PDE5A: variants seen among roughly 807,000 people sequenced by gnomAD.
PDE5A encodes the protein phosphodiesterase 5A.
Under a neutral mutation model 110.2 loss-of-function variants are expected in PDE5A, and 67 were observed. The ratio of observed to expected loss-of-function variants is 0.61; its 90% confidence interval spans 0.50 to 0.75. The LOEUF (loss-of-function observed/expected upper bound fraction) is 0.75. Among genes scored for constraint, PDE5A ranks in the 30% least tolerant of loss-of-function variants. The pLI is 0.00. For synonymous variants in PDE5A, 328 were observed against 351.2 expected, an observed-to-expected ratio of 0.93 and a Z score of 0.74; for missense variants, 862 against 1,045.1, an observed-to-expected ratio of 0.82 and a Z score of 2.42.
At chr4:119,610,920 A>G (rs1729718807) in intron 1 of PDE5A, among the ~76,000 whole-genome samples, 1 of 152,124 alleles carries the variant, frequency 6.6e-6, no homozygotes, top group Non-Finnish European at 1.5e-5. Context: ...CACAGCAGCC[A>G]CAGTAAATTT....
chr4:119,600,331 T>C (rs928164401), intron 2 of PDE5A, among the ~76,000 whole-genome samples: 2 of 152,142 alleles, frequency 1.3e-5, no homozygotes, highest in Non-Finnish European at 2.9e-5. Flanking sequence ...GTTTTTATTA[T>C]AATAAGTAGA....
rs549592014 is a variant in PDE5A, at chr4:119,600,197, T to C, written c.742-3585A>G. On this transcript the variant is annotated intron_variant, in intron 2 of 20. Transcript: ENST00000354960. Reference sequence around the variant, plus strand: ...TTGAGCACATGAGTATATATATATATAAAAAGAGTAAGGAAGCCTAGTCTT... The same window carrying C: ...TTGAGCACATGAGTATATATATATACAAAAAGAGTAAGGAAGCCTAGTCTT... 1.2e-4 allele frequency among the ~76,000 whole-genome samples: 18 copies of C among 151,546 alleles called. No individual in the cohort carries two copies. In the East Asian group the frequency reaches 3.1e-3, roughly 26 times the overall value.
At chr4:119,529,330 T>G (rs1317750144) in intron 11 of PDE5A, among the ~76,000 whole-genome samples, 1 of 152,138 alleles carries the variant, frequency 6.6e-6, no homozygotes, top group Non-Finnish European at 1.5e-5. Flanking sequence ...CACTAGTCCT[T>G]GTGATAGCAA....
chr4:119,602,391 T>A (rs1379800559), intron 2 of PDE5A, among the ~76,000 whole-genome samples: 1 of 152,204 alleles, frequency 6.6e-6, no homozygotes, highest in East Asian at 1.9e-4. Context: ...GTCTTGCAAT[T>A]TTTCTGTGAG....
chr4:119,612,570 T>A (rs574235238), intron 1 of PDE5A, among the ~76,000 whole-genome samples: 2 of 152,302 alleles, frequency 1.3e-5, no homozygotes, highest in African/African-American at 4.8e-5. Flanking sequence ...CAATTAAACC[T>A]CTTTTCTTTA....
intron 5 of PDE5A, 114 bp from the exon 6 acceptor site, chr4:119,563,084 T>A: frequency 2.6e-6 from 2 of 759,538 alleles, no homozygotes; most frequent in Non-Finnish European, 4.0e-6. Context: ...TGATCAAGTC[T>A]GCATTCAAAT....
At chr4:119,612,750 G>A (rs748119350) in intron 1 of PDE5A, among the ~76,000 whole-genome samples, 2 of 152,180 alleles carry the variant, frequency 1.3e-5, no homozygotes, top group Non-Finnish European at 2.9e-5. Flanking sequence ...CTGGTGCCTT[G>A]ATCTTGGACT....
At chr4:119,533,816 T>A (rs1726630790) in intron 11 of PDE5A, among the ~76,000 whole-genome samples, 1 of 152,148 alleles carries the variant, frequency 6.6e-6, no homozygotes, top group African/African-American at 2.4e-5. Context: ...TAAGAAAACT[T>A]TTAGAGTAAA....
intron 2 of PDE5A, among the ~76,000 whole-genome samples, chr4:119,601,479 A>G (rs909849758): frequency 1.3e-5 from 2 of 150,240 alleles, no homozygotes; most frequent in African/African-American, 4.9e-5. Context: ...TGTCTTATGC[A>G]TCTCTTCCAT....
intron 13 of PDE5A, 87 bp downstream of exon 13, chr4:119,520,848 C>A (rs781341222): frequency 1.3e-5 from 14 of 1,117,686 alleles, no homozygotes; most frequent in East Asian, 2.5e-5. Flanking sequence ...TCATTGTGCA[C>A]CTTAAAGTGA....
chr4:119,525,481 A>G lies in PDE5A; in HGVS notation c.1779+68T>C. 1 of 1,437,080 alleles carries G rather than the reference A, an allele frequency of 7.0e-7. No individual in the cohort carries two copies. Among genetic ancestry groups the G allele is most frequent in the Non-Finnish European group, 9.4e-7 (1 of 1,059,224 alleles). 89.0% of individuals were successfully genotyped at this position (1,437,080 alleles called of 1,614,324 possible). On this transcript the variant is annotated intron_variant, in intron 12 of 20. Coordinates refer to ENST00000354960, the MANE Select transcript of PDE5A (RefSeq NM_001083.4). The surrounding 1 kb of genome is among the most constrained non-coding windows in gnomAD (Gnocchi z 4.3). ...CTATTCCATATTTGCATTCAAAACCAATTCTCTCTCTTACATACACACACA... is the reference window on the plus strand; with the variant it reads ...CTATTCCATATTTGCATTCAAAACCGATTCTCTCTCTTACATACACACACA...
At chr4:119,504,865 A>T (rs1725503485) in intron 17 of PDE5A, among the ~76,000 whole-genome samples, 1 of 152,076 alleles carries the variant, frequency 6.6e-6, no homozygotes, top group Admixed American at 6.6e-5. Flanking sequence ...CTGAAAAATT[A>T]TTAACCTTGG....
chr4:119,563,475 AG>A (rs2110505884), intron 5 of PDE5A, among the ~76,000 whole-genome samples: 1 of 152,256 alleles, frequency 6.6e-6, no homozygotes, highest in East Asian at 1.9e-4. Flanking sequence ...TTTTTCTGGT[AG>A]ATTTCTCTTT....
In PDE5A at chr4:119,542,887, C is replaced by T. The variant is rs183820922; in HGVS notation, c.1397-253G>A. On this transcript the variant is annotated intron_variant, in intron 9 of 20. Coordinates refer to ENST00000354960, the MANE Select transcript of PDE5A (RefSeq NM_001083.4). Reference sequence around the variant, plus strand: ...CTAGAGTACTATTTTCTTCCAGACTCGGTCACGAATTTTAGATCAGTTGAG... The same window carrying T: ...CTAGAGTACTATTTTCTTCCAGACTTGGTCACGAATTTTAGATCAGTTGAG... Among the ~76,000 whole-genome samples, 22 of 152,164 alleles carry T rather than the reference C, an allele frequency of 1.4e-4. No individual in the cohort carries two copies. The East Asian group carries it at 2.7e-3, about 19-fold the overall frequency.
At chr4:119,512,537 C>T (rs1439509689) in intron 14 of PDE5A, 1 of 152,138 alleles carries the variant, frequency 6.6e-6, no homozygotes, top group African/African-American at 2.4e-5. Flanking sequence ...CAGAGAGAGC[C>T]TGGATTAGAG....
At chr4:119,502,453 A>G (rs2110452996) in intron 19 of PDE5A, 128 bp downstream of exon 19, 1 of 575,374 alleles carries the variant, frequency 1.7e-6, no homozygotes, top group Middle Eastern at 4.6e-4. Flanking sequence ...TCCAATGAGA[A>G]AAAAGTTTTA....
chr4:119,584,631 G>A (rs778299225), intron 3 of PDE5A, among the ~76,000 whole-genome samples: 12 of 152,266 alleles, frequency 7.9e-5, no homozygotes, highest in Non-Finnish European at 1.6e-4. Context: ...CAAACTTACT[G>A]CTGTAGCCAC....
At chr4:119,515,519 C>T (rs1478451914) in intron 14 of PDE5A, among the ~76,000 whole-genome samples, 1 of 152,040 alleles carries the variant, frequency 6.6e-6, no homozygotes, top group Non-Finnish European at 1.5e-5. Flanking sequence ...CTAACTACCA[C>T]CCTATTTATT....
intron 1 of PDE5A, among the ~76,000 whole-genome samples, chr4:119,622,451 T>A (rs1368516392): frequency 1.3e-5 from 2 of 152,196 alleles, no homozygotes; most frequent in Non-Finnish European, 2.9e-5. Flanking sequence ...AAAAAGTTAA[T>A]CTTACTTTAT....
Sources: allele counts gnomAD v4.1 joint callset (sites outside exome capture counted in the v4.1 genomes callset), GRCh38; gene constraint gnomAD v4.1.1; non-coding constraint Gnocchi (gnomAD v3.1); transcripts MANE v1.5; gene names NCBI Gene and HGNC (gene_info 2026-07-23, HGNC 2026-07-21).